The following SCLT1 variants were observed in gnomAD, a reference collection of about 807,000 sequenced individuals.
SCLT1 encodes sodium channel-associated protein 1.
In SCLT1, 78 loss-of-function variants were observed where a neutral mutation model predicts 112.8. The ratio of observed to expected loss-of-function variants is 0.69; its 90% CI spans 0.58 to 0.83. The LOEUF (loss-of-function observed/expected upper bound fraction) is 0.83. Ranked by LOEUF, SCLT1 falls within the 40% of genes least tolerant of loss-of-function variation. The probability of loss-of-function intolerance (pLI) is 0.00; values close to 1 mark genes in which losing one functional copy is unlikely to be tolerated. For synonymous variants in SCLT1, 257 were observed against 254.7 expected, an observed-to-expected ratio of 1.01 and a Z score of -0.09; for missense variants, 747 against 770.4, an observed-to-expected ratio of 0.97 and a Z score of 0.36.
chr4:128,894,579 C>T (rs1467139295), intron 18 of SCLT1, among the ~76,000 whole-genome samples: 4 of 152,096 alleles, frequency 2.6e-5, no homozygotes, highest in Admixed American at 6.5e-5. Flanking sequence ...TGCATTGTCC[C>T]ACAAATCTAC....
At chr4:129,063,758 G>T (rs1750212686) in intron 2 of SCLT1, among the ~76,000 whole-genome samples, 1 of 152,148 alleles carries the variant, frequency 6.6e-6, no homozygotes, top group Admixed American at 6.5e-5. Context: ...GTCCCTCCCT[G>T]TTCTCCCTGC....
intron 9 of SCLT1, among the ~76,000 whole-genome samples, chr4:128,976,011 C>T (rs897845731): frequency 5.3e-5 from 8 of 152,090 alleles, no homozygotes; most frequent in East Asian, 3.8e-4. Context: ...TTTTTAAATA[C>T]GTTATTTGTA....
chr4:128,939,222 A>T lies in SCLT1; in HGVS notation c.1633-2371T>A, dbSNP rs1203877614. ...TTTATTTCCACTATAATGCCTTTTT[A>T]TTCTTTGGTTCTTTTCACATGCTGT... On this transcript the variant is annotated intron_variant, in intron 17 of 20. Coordinates refer to ENST00000281142, the MANE Select transcript of SCLT1 (RefSeq NM_144643.4). Among the ~76,000 whole-genome samples, 4 of 151,906 alleles carry T rather than the reference A, an allele frequency of 2.6e-5. No individual in the cohort carries two copies. In the East Asian group the frequency reaches 7.7e-4, roughly 29 times the overall value.
At chr4:128,960,941 A>AC (rs1739662585) in intron 11 of SCLT1, among the ~76,000 whole-genome samples, 1 of 149,894 alleles carries the variant, frequency 6.7e-6, no homozygotes, top group East Asian at 1.9e-4. Flanking sequence ...AAAAAAAAAA[A>AC]AAAAAAAGAA....
At chr4:128,971,319 T>G (rs1265827748) in intron 9 of SCLT1, 1 of 152,226 alleles carries the variant, frequency 6.6e-6, no homozygotes, top group African/African-American at 2.4e-5. Context: ...AATTATTTGA[T>G]GCAAAATTCA....
intron 17 of SCLT1, among the ~76,000 whole-genome samples, chr4:128,941,247 C>A (rs1045159598): frequency 1.3e-5 from 2 of 152,068 alleles, no homozygotes; most frequent in African/African-American, 4.8e-5. Context: ...GTATGTCTGG[C>A]TTTAAAAGAT....
At chr4:128,873,540 G>A (rs1034761546) in intron 5 of SCLT1, 2 of 152,566 alleles carry the variant, frequency 1.3e-5, no homozygotes, top group African/African-American at 4.8e-5. Flanking sequence ...TGAGTACAAT[G>A]TTTTGTTTTT....
chr4:128,977,540 T>C (rs1741283121), intron 9 of SCLT1, among the ~76,000 whole-genome samples: 1 of 152,062 alleles, frequency 6.6e-6, no homozygotes, highest in African/African-American at 2.4e-5. Context: ...ACAAAGAAGA[T>C]GATACAGGGA....
chr4:129,067,250 A>C (rs1854774), intron 2 of SCLT1, among the ~76,000 whole-genome samples: 110,243 of 150,946 alleles, frequency 0.73, 41,880 homozygotes, highest in South Asian at 0.9. Context: ...AAAAAAAAAA[A>C]CAAATCATTG....
chr4:128,975,821 G>A (rs954837480), intron 9 of SCLT1, among the ~76,000 whole-genome samples: 3 of 152,242 alleles, frequency 2.0e-5, no homozygotes, highest in Non-Finnish European at 2.9e-5. Context: ...TTAGGAAACT[G>A]AGTAAGTACC....
intron 18 of SCLT1, among the ~76,000 whole-genome samples, chr4:128,926,080 T>A (rs530761180): frequency 6.6e-6 from 1 of 152,204 alleles, no homozygotes; most frequent in African/African-American, 2.4e-5. Flanking sequence ...TTTGATGCAC[T>A]AGTTTTTGTT....
At chr4:128,936,557 A>G in intron 18 of SCLT1, 98 bp downstream of exon 18, 1 of 655,090 alleles carries the variant, frequency 1.5e-6, no homozygotes, top group Non-Finnish European at 2.5e-6. Flanking sequence ...AAGGTCCAGA[A>G]TTATACATTT....
At chr4:128,877,996 C>CAAAG (rs940847033) in intron 3 of SCLT1, among the ~76,000 whole-genome samples, 1 of 152,080 alleles carries the variant, frequency 6.6e-6, no homozygotes, top group Non-Finnish European at 1.5e-5. Context: ...ACACTGCTAT[C>CAAAG]AAAGAATAAA....
At chr4:128,878,101 T>TAAC (rs1303554458) in intron 3 of SCLT1, among the ~76,000 whole-genome samples, 1 of 152,196 alleles carries the variant, frequency 6.6e-6, no homozygotes, top group African/African-American at 2.4e-5. Context: ...ACTAATATCT[T>TAAC]AACACTAAAT....
At chr4:129,075,816 T>C (rs1751413655) in intron 2 of SCLT1, among the ~76,000 whole-genome samples, 1 of 152,184 alleles carries the variant, frequency 6.6e-6, no homozygotes, top group Admixed American at 6.6e-5. Flanking sequence ...TTGTATTTGT[T>C]AACTCATGAG....
chr4:129,085,157 C>T (rs902747253), intron 1 of SCLT1, among the ~76,000 whole-genome samples: 4 of 152,068 alleles, frequency 2.6e-5, no homozygotes, highest in Admixed American at 1.3e-4. Flanking sequence ...CTATAAGGAA[C>T]TTGAACAAAT....
chr4:128,950,281 G>T (rs1248717378), intron 14 of SCLT1, among the ~76,000 whole-genome samples: 2 of 152,068 alleles, frequency 1.3e-5, no homozygotes, highest in African/African-American at 4.8e-5. Context: ...GGTATATAAA[G>T]AAATGCATGT....
At chr4:128,887,306 G>C (rs900442116) in intron 20 of SCLT1, among the ~76,000 whole-genome samples, 10 of 152,024 alleles carry the variant, frequency 6.6e-5, no homozygotes, top group Non-Finnish European at 2.9e-5. Flanking sequence ...AAAATTATTT[G>C]AAAAGGCTGT....
At chr4:129,044,108 TA>T in intron 2 of SCLT1, 57 bp from the exon 3 acceptor site, 1 of 846,502 alleles carries the variant, frequency 1.2e-6, no homozygotes. Context: ...CCAAAATTGA[TA>T]GTGATATAAT....
Sources: gnomAD v4.1 joint callset for allele counts (sites outside exome capture counted in the v4.1 genomes callset) on GRCh38, gnomAD v4.1.1 for gene constraint, MANE v1.5 for transcripts, NCBI Gene and HGNC (gene_info 2026-07-23, HGNC 2026-07-21) for gene names.